MBOAT2: variants seen among roughly 807,000 people sequenced by gnomAD.
MBOAT2 encodes the protein membrane-bound glycerophospholipid O-acyltransferase 2.
MBOAT2 carries 28 observed loss-of-function variants against 63.4 expected under a neutral mutation model. That is an observed-to-expected ratio of 0.44 (90% CI 0.33 to 0.61). The LOEUF is 0.61. MBOAT2 is among the 20% of genes least tolerant of loss of function. MBOAT2 has a pLI of 0.03. For missense variants in MBOAT2, 470 were observed against 605.8 expected, an observed-to-expected ratio of 0.78 and a Z score of 2.35; for synonymous variants, 211 against 215.6, an observed-to-expected ratio of 0.98 and a Z score of 0.19.
chr2:8,858,686 T>G lies in MBOAT2; in HGVS notation c.1556A>C (p.Lys519Thr), dbSNP rs1323813442. ...QEIASRHSSL[K>T]Q is the part of the protein sequence containing the mutation. ...CCCTCAGAGCCTTCCCGATCACTGC[T>G]TTAGTGATGAATGTCTCGAGGCTAT... Residue 519 changes from lysine (K) to threonine (T), a missense_variant, in exon 13 of 13, where the codon AAG (lysine) becomes ACG (threonine). Physicochemically the swap from Lys to Thr is moderately conservative, Grantham distance 78 (BLOSUM62 -1). Transcript: ENST00000305997. 8.7e-6 allele frequency: 14 copies of G among 1,610,334 alleles called. No homozygotes were observed. In the South Asian group the frequency reaches 1.4e-4, roughly 16 times the overall value.
At chr2:8,972,737 A>C (rs965574288) in intron 1 of MBOAT2, among the ~76,000 whole-genome samples, 15 of 152,244 alleles carry the variant, frequency 9.9e-5, no homozygotes, top group African/African-American at 3.4e-4. Flanking sequence ...TCAAAAGAAG[A>C]CATTTATGCA....
At chr2:8,973,736 T>C (rs960555938) in intron 1 of MBOAT2, among the ~76,000 whole-genome samples, 1 of 152,226 alleles carries the variant, frequency 6.6e-6, no homozygotes, top group African/African-American at 2.4e-5. Flanking sequence ...GCCCAAACCC[T>C]ATAATACAAG....
chr2:8,873,240 A>T lies in MBOAT2; in HGVS notation c.751T>A (p.Cys251Ser), dbSNP rs1363454249. ...TTGTACTCCACAGGTAATGTTGTAC[A>T]GATGGTCAAGTGAAATAACAAGGAC... ...GLSLLFHLTI[C>S]TTLPVEYNID... The change falls in exon 8 of 13, where the codon TGT (cysteine) becomes AGT (serine). Residue 251 changes from cysteine (C) to serine (S), a missense_variant. By Grantham distance (112) the Cys-to-Ser change is moderately radical. This residue lies in a region of MBOAT2 where 376 missense variants were observed against 503.8 expected (regional missense o/e 0.75). Coordinates refer to ENST00000305997, the MANE Select transcript of MBOAT2 (RefSeq NM_138799.4). The T allele has an allele frequency of 1.2e-5, 19 of 1,614,226 alleles. No individual in the cohort carries two copies. Among genetic ancestry groups the T allele is most frequent in the Non-Finnish European group, 1.6e-5 (19 of 1,180,014 alleles).
Position 8,939,947 on chromosome 2 carries a change from G to A in MBOAT2, c.299+3240C>T, listed in dbSNP as rs111588075. Among the ~76,000 whole-genome samples, 49 of 152,214 alleles carry A rather than the reference G, an allele frequency of 3.2e-4. No individual in the cohort carries two copies. In the South Asian group the frequency reaches 4.1e-3, roughly 13 times the overall value. On this transcript the variant is annotated intron_variant, in intron 3 of 12. Coordinates refer to ENST00000305997, the MANE Select transcript of MBOAT2 (RefSeq NM_138799.4). ...AAGGGCAAATTACCTGTGACAGATC[G>A]TGCAAATAAATTTCAGTCAAATGAA...
rs111354192 is a variant in MBOAT2 at position 8,904,415 on chromosome 2, G to A, written c.395+4206C>T. ...CAGCCTCAACCTCCGAAACTCAAGCGATCCTCCCACTTCAGCCTCCTGAGT... is the reference window on the plus strand; with the variant it reads ...CAGCCTCAACCTCCGAAACTCAAGCAATCCTCCCACTTCAGCCTCCTGAGT... On this transcript the variant is annotated intron_variant, in intron 4 of 12. Transcript: ENST00000305997. Among the ~76,000 whole-genome samples, 1,380 of 151,670 alleles carry A rather than the reference G, an allele frequency of 9.1e-3. 15 individuals carry two copies. The highest frequency in any genetic ancestry group is 0.032 in the African/African-American group (1,317 of 41,294).
chr2:8,900,736 T>G (rs1664860580), intron 4 of MBOAT2, among the ~76,000 whole-genome samples: 1 of 152,226 alleles, frequency 6.6e-6, no homozygotes, highest in African/African-American at 2.4e-5. Context: ...TGCATACTTG[T>G]GTATTCTCCT....
intron 1 of MBOAT2, among the ~76,000 whole-genome samples, chr2:8,985,411 G>T (rs1671499791): frequency 6.6e-6 from 1 of 152,222 alleles, no homozygotes; most frequent in East Asian, 1.9e-4. Context: ...AGAATATTGA[G>T]ACCTAATCTA....
At chr2:8,943,633 C>T (rs910308583) in intron 2 of MBOAT2, among the ~76,000 whole-genome samples, 1 of 152,162 alleles carries the variant, frequency 6.6e-6, no homozygotes, top group African/African-American at 2.4e-5. Flanking sequence ...GACAGAACAT[C>T]GGTTGTTTCC....
chr2:8,927,575 C>T (rs1667017588), intron 3 of MBOAT2, among the ~76,000 whole-genome samples: 2 of 152,096 alleles, frequency 1.3e-5, no homozygotes, highest in African/African-American at 4.8e-5. Flanking sequence ...GAGCTGTGTC[C>T]AACCGAGGCT....
chr2:8,943,359 G>C, intron 2 of MBOAT2, 95 bp from the exon 3 acceptor site: 1 of 631,088 alleles, frequency 1.6e-6, no homozygotes, highest in African/African-American at 1.9e-5. Context: ...GCATAACACA[G>C]TATTCCCAGA....
intron 3 of MBOAT2, among the ~76,000 whole-genome samples, chr2:8,913,833 A>G (rs1324700313): frequency 6.7e-6 from 1 of 150,262 alleles, no homozygotes; most frequent in East Asian, 1.9e-4. Flanking sequence ...ATCTACCCAG[A>G]GGAAAAAAAA....
rs977493581 is a variant in MBOAT2, at chr2:9,003,247, T to C, written c.75+293A>G. On this transcript the variant is annotated intron_variant, in intron 1 of 12. Transcript: ENST00000305997. The surrounding 1 kb of genome is among the most constrained non-coding windows in gnomAD (Gnocchi z 5.4). ...GCTGCCGCGAAGGGCAGGGACCGCA[T>C]GCACACCCGCACGCCCATACGACCA... 6.6e-6 allele frequency among the ~76,000 whole-genome samples: 1 copy of C among 152,068 alleles called. No homozygotes were observed. The highest frequency in any genetic ancestry group is 1.5e-5 in the Non-Finnish European group (1 of 67,984).
At chr2:8,952,054 T>C (rs1356327813) in intron 2 of MBOAT2, among the ~76,000 whole-genome samples, 1 of 152,222 alleles carries the variant, frequency 6.6e-6, no homozygotes, top group African/African-American at 2.4e-5. Context: ...GAGGTGGGTG[T>C]TTAACACTGT....
At chr2:8,992,000 G>C (rs780245285) in intron 1 of MBOAT2, among the ~76,000 whole-genome samples, 12 of 152,082 alleles carry the variant, frequency 7.9e-5, no homozygotes, top group Non-Finnish European at 1.6e-4. Context: ...CCAGACATCT[G>C]AACTTGGAAT....
chr2:8,872,285 T>C (rs748603585), intron 8 of MBOAT2, among the ~76,000 whole-genome samples: 11 of 152,208 alleles, frequency 7.2e-5, no homozygotes, highest in Admixed American at 4.6e-4. Context: ...CTAGGGGTTA[T>C]TGCTCAACTC....
intron 2 of MBOAT2, 95 bp from the exon 3 acceptor site, chr2:8,943,359 G>A (rs1668183050): frequency 1.6e-6 from 1 of 631,088 alleles, no homozygotes; most frequent in African/African-American, 1.9e-5. Context: ...GCATAACACA[G>A]TATTCCCAGA....
chr2:8,884,855 T>C (rs974355265), intron 5 of MBOAT2, among the ~76,000 whole-genome samples: 7 of 152,218 alleles, frequency 4.6e-5, no homozygotes, highest in African/African-American at 1.4e-4. Context: ...GTTCAAAACT[T>C]GGGAACTGGC....
At chr2:8,979,836 C>T (rs773092983) in intron 1 of MBOAT2, among the ~76,000 whole-genome samples, 3 of 152,114 alleles carry the variant, frequency 2.0e-5, no homozygotes, top group Non-Finnish European at 4.4e-5. Context: ...GTGCTGACAA[C>T]GCAAGACTCA....
chr2:8,958,398 T>C, intron 2 of MBOAT2, 99 bp downstream of exon 2: 1 of 1,197,842 alleles, frequency 8.3e-7, no homozygotes, highest in Non-Finnish European at 1.1e-6. Flanking sequence ...TTTAAGTAAA[T>C]ATAAGAACAA....
Sources: allele counts gnomAD v4.1 joint callset (sites outside exome capture counted in the v4.1 genomes callset), GRCh38; gene constraint gnomAD v4.1.1; regional missense constraint gnomAD v4.1.1; non-coding constraint Gnocchi (gnomAD v3.1); transcripts MANE v1.5; gene names NCBI Gene and HGNC (gene_info 2026-07-23, HGNC 2026-07-21).